The following MYH7B variants were observed in gnomAD, a reference collection of about 807,000 sequenced individuals.
The protein encoded by MYH7B is myosin heavy chain 7B, also known as myosin-7B.
MYH7B carries 205 observed loss-of-function variants against 234.5 expected under a neutral mutation model. The ratio of observed to expected loss-of-function variants is 0.87; its 90% confidence interval spans 0.78 to 0.98. The LOEUF (loss-of-function observed/expected upper bound fraction) is 0.98. Among genes scored for constraint, MYH7B ranks in the 50% least tolerant of loss-of-function variants. The pLI is 0.00. For missense variants in MYH7B, 2,652 were observed against 2,633.4 expected (o/e 1.01, Z -0.15); for synonymous variants, 1,193 against 1,105.0 (o/e 1.08, Z -1.58).
chr20:34,986,137 T>C, exon 14 of MYH7B: 1 of 1,597,240 alleles, frequency 6.3e-7, no homozygotes. Flanking sequence ...TCCAGTTGCC[T>C]GGTGAGCGCA....
exon 37 of MYH7B, chr20:34,999,626 A>G: frequency 6.2e-7 from 1 of 1,613,738 alleles, no homozygotes; most frequent in Non-Finnish European, 8.5e-7. Flanking sequence ...GCATCCAGGA[A>G]CTGGAGAAAA....
exon 45 of MYH7B, chr20:35,002,264 C>CCAT (rs1377080723): frequency 2.2e-5 from 32 of 1,468,576 alleles, no homozygotes; most frequent in African/African-American, 4.2e-5. Context: ...CCCGATCCTG[C>CCAT]CATCTCTGCA....
chr20:34,997,321 G>C (rs3746437), exon 32 of MYH7B: 2 of 1,549,674 alleles, frequency 1.3e-6, no homozygotes, highest in Non-Finnish European at 1.7e-6. Context: ...GAGAAGCAGC[G>C]TGCAGAGGCG....
Position 34,955,986 on chromosome 20 carries a change from CG to C in MYH7B, c.-354del, listed in dbSNP as rs933983423. 7 of 152,254 alleles carry C rather than the reference CG, an allele frequency of 4.6e-5. No individual in the cohort carries two copies. Among genetic ancestry groups the C allele is most frequent in the Non-Finnish European group, 8.8e-5 (6 of 68,126 alleles). The allele number at this position is 152,254 out of a possible 1,614,324, so 9.4% of individuals were successfully genotyped here. ...CTTGGGAAGGAGGGGAGGGGACCATCGGGGTCGGCGGGGAGCTACGGGTATG... is the reference window on the plus strand; with the variant it reads ...CTTGGGAAGGAGGGGAGGGGACCATCGGGTCGGCGGGGAGCTACGGGTATG... On this transcript the variant is annotated 5_prime_UTR_variant, in exon 1 of 45. The change abolishes the stop of an existing upstream ORF in the 5' untranslated region. Transcript: ENST00000262873.
chr20:34,981,185 C>A, intron 9 of MYH7B, 125 bp downstream of exon 9: 1 of 1,222,136 alleles, frequency 8.2e-7, no homozygotes. Context: ...CCACCTGGAG[C>A]TAGTGTCCCA....
exon 45 of MYH7B, chr20:35,002,410 T>TTAAAA (rs1159887377): frequency 2.6e-5 from 11 of 428,710 alleles, no homozygotes; most frequent in East Asian, 1.4e-4. Flanking sequence ...GCAGTCATTT[T>TTAAAA]TAAAATAAAG....
chr20:34,985,655 G>A (rs1252129131), intron 13 of MYH7B, among the ~76,000 whole-genome samples: 1 of 152,114 alleles, frequency 6.6e-6, no homozygotes, highest in Non-Finnish European at 1.5e-5. Context: ...GGGCCCCCAC[G>A]TTGGCCACTC....
chr20:34,982,617 CCT>C (rs934596055), intron 10 of MYH7B, 62 bp downstream of exon 10: 14 of 1,357,258 alleles, frequency 1.0e-5, no homozygotes, highest in Middle Eastern at 1.9e-4. Flanking sequence ...TTTCTTTCTT[CCT>C]CTCTTTTTTT....
At chr20:34,983,937 G>C (rs1468231426) in intron 10 of MYH7B, among the ~76,000 whole-genome samples, 1 of 152,226 alleles carries the variant, frequency 6.6e-6, no homozygotes, top group Non-Finnish European at 1.5e-5. Flanking sequence ...GAAAGGAAAA[G>C]GAAGGGAAAG....
rs745328899 is a variant in MYH7B at position 35,001,907 on chromosome 20, C to T, written c.5677-41C>T. ...GGGGCAGGGACCAGAATAAGCATCT[C>T]AGTCACCCAAGCGGAACCAAGGCCC... On this transcript the variant is annotated intron_variant, in intron 43 of 44. Transcript: ENST00000262873. 6.3e-6 allele frequency: 10 copies of T among 1,592,812 alleles called. No homozygotes were observed. The African/African-American group carries it at 1.3e-4, about 21-fold the overall frequency.
intron 2 of MYH7B, among the ~76,000 whole-genome samples, chr20:34,960,811 T>C (rs537192607): frequency 3.3e-5 from 5 of 152,190 alleles, no homozygotes; most frequent in Non-Finnish European, 5.9e-5. Context: ...GTCCCAGGTG[T>C]TGAGGATTTA....
At chr20:34,979,308 G>C in intron 5 of MYH7B, 82 bp from the exon 6 acceptor site, 1 of 1,101,820 alleles carries the variant, frequency 9.1e-7, no homozygotes, top group Non-Finnish European at 1.3e-6. Context: ...CAGCTGTATG[G>C]ATACCATGGC....
At position 34,994,689 on chromosome 20, in the gene MYH7B, C is replaced by T. The variant is rs551019612; in HGVS notation, c.2700+288C>T. On this transcript the variant is annotated intron_variant, in intron 27 of 44. Coordinates refer to ENST00000262873, the Ensembl canonical transcript of MYH7B. ...CCCTGAAACCAAACAGACCCATGCTCTCTTCTCTGGTTAAGGGCCATGGGA... is the reference window on the plus strand; with the variant it reads ...CCCTGAAACCAAACAGACCCATGCTTTCTTCTCTGGTTAAGGGCCATGGGA... 5.1e-3 allele frequency among the ~76,000 whole-genome samples: 779 copies of T among 152,346 alleles called. 5 individuals carry two copies. Among genetic ancestry groups the T allele is most frequent in the African/African-American group, 0.018 (762 of 41,580 alleles).
chr20:34,992,244 G>T (rs1347521445), intron 24 of MYH7B, among the ~76,000 whole-genome samples: 1 of 152,090 alleles, frequency 6.6e-6, no homozygotes, highest in Non-Finnish European at 1.5e-5. Context: ...AAATTAGCCG[G>T]GCGTGGTGGC....
chr20:34,978,430 G>A (rs892821567), intron 5 of MYH7B, among the ~76,000 whole-genome samples: 4 of 152,164 alleles, frequency 2.6e-5, no homozygotes, highest in Admixed American at 1.3e-4. Context: ...CTGCCTCCGC[G>A]TGTCCACAAA....
In MYH7B at chr20:34,996,391, G is replaced by GC. The variant is rs780193719; in HGVS notation, c.2992dup (p.Arg998ProfsTer19). ...GATGGCTGCGCTGGACGAGTCAGTG[G>GC]CCCGGCTGACCAAGGAGAAGAAGGC... On this transcript the variant is annotated frameshift_variant, in exon 29 of 45. Transcript: ENST00000262873. LOFTEE classifies it high-confidence loss of function. 8 of 1,610,742 alleles carry GC rather than the reference G, an allele frequency of 5.0e-6. No individual in the cohort carries two copies. In the South Asian group the frequency reaches 8.8e-5, roughly 18 times the overall value.
At chr20:34,956,761 G>A (rs2081640215) in intron 1 of MYH7B, among the ~76,000 whole-genome samples, 1 of 152,172 alleles carries the variant, frequency 6.6e-6, no homozygotes, top group South Asian at 2.1e-4. Context: ...AGGAACAAAA[G>A]CAGCAAAGGC....
intron 14 of MYH7B, among the ~76,000 whole-genome samples, chr20:34,986,640 G>A (rs550464794): frequency 6.6e-6 from 1 of 152,192 alleles, no homozygotes; most frequent in Non-Finnish European, 1.5e-5. Flanking sequence ...TCATTCCTCA[G>A]AGAACCAGAA....
Position 34,993,487 on chromosome 20 carries a change from G to T in MYH7B, c.2444+17G>T, listed in dbSNP as rs1021495826. On this transcript the variant is annotated intron_variant, in intron 26 of 44. Coordinates refer to ENST00000262873, the Ensembl canonical transcript of MYH7B. ...GGGAGGCAGGTGGGTGTGGGAAGGA[G>T]GCTGGGGACAGGGTGTGTCCCCTGC... The T allele has an allele frequency of 6.4e-7, 1 of 1,572,046 alleles. No individual in the cohort carries two copies. Among genetic ancestry groups the T allele is most frequent in the South Asian group, 1.1e-5 (1 of 87,514 alleles).
Sources: gnomAD v4.1 joint callset for allele counts (sites outside exome capture counted in the v4.1 genomes callset) on GRCh38, gnomAD v4.1.1 for gene constraint, MANE v1.5 for transcripts, NCBI Gene and HGNC (gene_info 2026-07-23, HGNC 2026-07-21) for gene names.